The following HDAC9 variants were observed in gnomAD, a reference collection of about 807,000 sequenced individuals.
The protein encoded by HDAC9 is MEF-2 interacting transcription repressor (MITR) protein.
Under a neutral mutation model 139.4 loss-of-function variants are expected in HDAC9, and 41 were observed. That is an observed-to-expected ratio of 0.29 (90% CI 0.23 to 0.38). The LOEUF is 0.38. Ranked by LOEUF, HDAC9 falls within the 10% of genes least tolerant of loss-of-function variation. HDAC9 has a pLI of 1.00. For missense variants in HDAC9, 1,147 were observed against 1,297.0 expected (o/e 0.88, Z 1.78); for synonymous variants, 517 against 476.2 (o/e 1.09, Z -1.12).
At chr7:18,875,957 T>G (rs1283929002) in intron 22 of HDAC9, among the ~76,000 whole-genome samples, 2 of 152,148 alleles carry the variant, frequency 1.3e-5, no homozygotes, top group Non-Finnish European at 2.9e-5. Flanking sequence ...TCCTTGCCAT[T>G]AAATCCAAGA....
At chr7:18,695,791 C>A (rs58643964) in intron 12 of HDAC9, among the ~76,000 whole-genome samples, 4,703 of 152,150 alleles carry the variant, frequency 0.031, 185 homozygotes, top group African/African-American at 0.089. Context: ...AAAATCTATA[C>A]CTAGAGAAGA....
chr7:18,890,779 G>T (rs1013195996), intron 22 of HDAC9, among the ~76,000 whole-genome samples: 1 of 152,108 alleles, frequency 6.6e-6, no homozygotes, highest in Non-Finnish European at 1.5e-5. Context: ...TTACTTTGGG[G>T]CTGTAACATA....
At chr7:18,881,137 GATAA>G (rs1799708461) in intron 22 of HDAC9, among the ~76,000 whole-genome samples, 1 of 152,014 alleles carries the variant, frequency 6.6e-6, no homozygotes, top group Non-Finnish European at 1.5e-5. Context: ...GAAACAAACT[GATAA>G]ATACACAAGG....
chr7:18,477,616 T>G (rs917021494), intron 1 of HDAC9, among the ~76,000 whole-genome samples: 1 of 152,194 alleles, frequency 6.6e-6, no homozygotes, highest in Non-Finnish European at 1.5e-5. Context: ...TCTCATCACA[T>G]TTCCAGCATT....
At chr7:18,382,065 T>C (rs1785492178) in intron 1 of HDAC9, among the ~76,000 whole-genome samples, 1 of 152,166 alleles carries the variant, frequency 6.6e-6, no homozygotes, top group Non-Finnish European at 1.5e-5. Context: ...ATCCAGTTAT[T>C]GTTTCCACTC....
At chr7:18,645,401 C>T (rs544614188) in intron 9 of HDAC9, among the ~76,000 whole-genome samples, 58 of 152,126 alleles carry the variant, frequency 3.8e-4, no homozygotes, top group Non-Finnish European at 7.2e-4. Context: ...AAAGTCCTGA[C>T]AACTGAAATA....
At chr7:18,436,397 T>G (rs556384734) in intron 1 of HDAC9, among the ~76,000 whole-genome samples, 2 of 152,294 alleles carry the variant, frequency 1.3e-5, no homozygotes, top group Admixed American at 1.3e-4. Flanking sequence ...TTGTGAGTAA[T>G]GGTAAGGTAA....
chr7:18,950,217 G>A (rs1782697091), intron 23 of HDAC9, among the ~76,000 whole-genome samples: 1 of 151,764 alleles, frequency 6.6e-6, no homozygotes, highest in Non-Finnish European at 1.5e-5. Context: ...CTAATTATTG[G>A]CATGGCCATT....
chr7:18,272,031 C>T (rs1796386118), intron 2 of HDAC9, among the ~76,000 whole-genome samples: 1 of 152,054 alleles, frequency 6.6e-6, no homozygotes, highest in Admixed American at 6.6e-5. Flanking sequence ...ACAATAACAG[C>T]CATTGAAAGC....
rs150746825 is a variant in HDAC9, at chr7:18,376,888, G to A, written c.-42+86373G>A. ...GTTTATGGTATTTTATTATAGCAGC[G>A]TAACTTAGGTGCTATACCATCCAGT... On this transcript the variant is annotated intron_variant, in intron 1 of 3. Transcript: ENST00000413509. Among the ~76,000 whole-genome samples, 288 of 152,122 alleles carry A rather than the reference G, an allele frequency of 1.9e-3. 1 individual carries two copies. Among genetic ancestry groups the A allele is most frequent in the East Asian group, 0.017 (87 of 5,164 alleles).
intron 1 of HDAC9, among the ~76,000 whole-genome samples, chr7:18,114,916 G>A (rs778732946): frequency 2.6e-5 from 4 of 152,162 alleles, no homozygotes; most frequent in African/African-American, 7.2e-5. Context: ...TATTAGAAAC[G>A]AGTGAAATTT....
chr7:18,121,721 G>A (rs565349504), intron 1 of HDAC9, among the ~76,000 whole-genome samples: 9 of 152,188 alleles, frequency 5.9e-5, no homozygotes, highest in Non-Finnish European at 1.2e-4. Context: ...AAAGCATCAG[G>A]AACACTGAGG....
chr7:18,988,001 A>G (rs1206244530), intron 25 of HDAC9, among the ~76,000 whole-genome samples: 1 of 151,780 alleles, frequency 6.6e-6, no homozygotes, highest in African/African-American at 2.4e-5. Context: ...AATTTTGTTG[A>G]TCCTTTCAAA....
intron 2 of HDAC9, among the ~76,000 whole-genome samples, chr7:18,218,515 C>G (rs1025482078): frequency 6.6e-6 from 1 of 152,056 alleles, no homozygotes; most frequent in East Asian, 1.9e-4. Flanking sequence ...TCCATTGACC[C>G]TACTAACCAA....
chr7:18,869,846 C>A (rs550469750), intron 21 of HDAC9, among the ~76,000 whole-genome samples: 1 of 151,242 alleles, frequency 6.6e-6, no homozygotes, highest in South Asian at 2.1e-4. Context: ...GTCCCATGAA[C>A]GCATATGCAA....
chr7:18,946,036 C>CAAAATAAAAAAAAAAAAAAAAAAAAA (rs1563077235), intron 23 of HDAC9, among the ~76,000 whole-genome samples: 2 of 38,276 alleles, frequency 5.2e-5, no homozygotes, highest in Non-Finnish European at 1.0e-4. Context: ...GACTCCGTCT[C>CAAAATAAAAAAAAAAAAAAAAAAAAA]AAAAAAAAAA....
intron 21 of HDAC9, among the ~76,000 whole-genome samples, chr7:18,867,475 A>T (rs573664273): frequency 1.3e-5 from 2 of 152,328 alleles, no homozygotes; most frequent in South Asian, 4.1e-4. Flanking sequence ...TCACATACTT[A>T]AATACTAGTA....
upstream of HDAC9, among the ~76,000 whole-genome samples, chr7:18,285,849 C>G (rs1370666518): frequency 6.6e-6 from 1 of 151,962 alleles, no homozygotes; most frequent in African/African-American, 2.4e-5. Context: ...AAAATAATCA[C>G]CTTAGCACTA....
intron 11 of HDAC9, among the ~76,000 whole-genome samples, chr7:18,655,145 G>A (rs1218425531): frequency 2.0e-5 from 3 of 152,156 alleles, no homozygotes; most frequent in African/African-American, 4.8e-5. Flanking sequence ...TTGAAAAATG[G>A]ATGAGTAGAA....
Sources: gnomAD v4.1 joint callset for allele counts (sites outside exome capture counted in the v4.1 genomes callset) on GRCh38, gnomAD v4.1.1 for gene constraint, MANE v1.5 for transcripts, NCBI Gene and HGNC (gene_info 2026-07-23, HGNC 2026-07-21) for gene names.